CUL2: variants seen among roughly 807,000 people sequenced by gnomAD.
CUL2 encodes cullin 2.
CUL2 carries 22 observed loss-of-function variants against 110.2 expected under a neutral mutation model. That is an observed-to-expected ratio of 0.20 (90% CI 0.14 to 0.28). The LOEUF is 0.28. Among genes scored for constraint, CUL2 ranks in the 10% least tolerant of loss-of-function variants. The probability of loss-of-function intolerance (pLI) is 1.00; values close to 1 mark genes in which losing one functional copy is unlikely to be tolerated. For synonymous variants in CUL2, 279 were observed against 293.2 expected (o/e 0.95, Z 0.49); for missense variants, 631 against 905.5 (o/e 0.70, Z 3.89).
chr10:35,012,053 CTTTTTT>C, intron 19 of CUL2, 89 bp from the exon 20 acceptor site: 44 of 475,586 alleles, frequency 9.3e-5, no homozygotes, highest in Middle Eastern at 4.6e-4. Flanking sequence ...AGTGCAAATA[CTTTTTT>C]TTTTTTTTTT....
At chr10:35,078,180 G>C (rs1400496991) in intron 1 of CUL2, among the ~76,000 whole-genome samples, 1 of 152,032 alleles carries the variant, frequency 6.6e-6, no homozygotes, top group Non-Finnish European at 1.5e-5. Flanking sequence ...CAAAACACAT[G>C]GTACTGTCCC....
rs528717292 is a variant in CUL2, at chr10:35,029,240, T to C, written c.1539+248A>G. ...ACCTGGCTAATTTTTGCATTTTTAG[T>C]AGAGACGGGTTTTCACATGTTGGCC... is the stretch of plus-strand genomic sequence containing the variant. On this transcript the variant is annotated intron_variant, in intron 15 of 20. Coordinates refer to ENST00000374749, the MANE Select transcript of CUL2 (RefSeq NM_003591.4). Among the ~76,000 whole-genome samples the C allele has an allele frequency of 5.9e-5, 9 of 152,250 alleles. No individual in the cohort carries two copies. In the East Asian group the frequency reaches 1.5e-3, roughly 26 times the overall value.
intron 16 of CUL2, among the ~76,000 whole-genome samples, chr10:35,027,923 A>G (rs576287796): frequency 1.3e-5 from 2 of 152,336 alleles, no homozygotes; most frequent in South Asian, 4.1e-4. Flanking sequence ...TAAAAACTAT[A>G]AATAGAAAAT....
chr10:35,061,133 C>T (rs2086370012), intron 3 of CUL2, among the ~76,000 whole-genome samples, 165 bp from the exon 4 acceptor site: 1 of 152,016 alleles, frequency 6.6e-6, no homozygotes, highest in Non-Finnish European at 1.5e-5. Flanking sequence ...AATGAAACAA[C>T]TGGGAAAGAT....
At chr10:35,074,786 C>T (rs2086770766) in intron 1 of CUL2, among the ~76,000 whole-genome samples, 1 of 152,176 alleles carries the variant, frequency 6.6e-6, no homozygotes, top group Non-Finnish European at 1.5e-5. Flanking sequence ...TGTGCCCGGC[C>T]TTCATCTGCT....
In CUL2 at chr10:35,070,546, C is replaced by T. The variant is rs538598218; in HGVS notation, c.119+653G>A. On this transcript the variant is annotated intron_variant, in intron 2 of 20. Coordinates refer to ENST00000374749, the MANE Select transcript of CUL2 (RefSeq NM_003591.4). ...CTAGCAGATCACTGTCATGGAGGAA[C>T]ACAGGAAACTAGGCTTCAGGGCATC... Among the ~76,000 whole-genome samples the T allele has an allele frequency of 1.4e-4, 22 of 152,298 alleles. No individual in the cohort carries two copies. In the East Asian group the frequency reaches 3.9e-3, roughly 27 times the overall value.
At chr10:35,065,373 C>G (rs1360461742) in intron 2 of CUL2, among the ~76,000 whole-genome samples, 1 of 152,174 alleles carries the variant, frequency 6.6e-6, no homozygotes, top group Non-Finnish European at 1.5e-5. Flanking sequence ...GTAATCCCAG[C>G]ACTTTAGGAG....
At chr10:35,126,346 G>A (rs751540503) in intron 1 of CUL2, among the ~76,000 whole-genome samples, 1 of 152,234 alleles carries the variant, frequency 6.6e-6, no homozygotes, top group South Asian at 2.1e-4. Context: ...TTCTTTTGGA[G>A]AAGGACTCAA....
intron 1 of CUL2, among the ~76,000 whole-genome samples, chr10:35,072,627 C>G (rs960952559): frequency 6.6e-6 from 1 of 152,190 alleles, no homozygotes; most frequent in Non-Finnish European, 1.5e-5. Flanking sequence ...CTCGGCCTCC[C>G]AAAGTGCAGG....
At chr10:35,101,065 G>A (rs774233333) in intron 1 of CUL2, 1 of 152,210 alleles carries the variant, frequency 6.6e-6, no homozygotes, top group African/African-American at 2.4e-5. Context: ...TCTATCCTAG[G>A]AGTGAGAAAA....
intron 17 of CUL2, among the ~76,000 whole-genome samples, chr10:35,020,870 G>C (rs1179973041): frequency 6.6e-6 from 1 of 151,654 alleles, no homozygotes; most frequent in African/African-American, 2.4e-5. Context: ...ATCACAGATT[G>C]CTTCTTAAAA....
At position 35,106,444 on chromosome 10, in the gene CUL2, C is replaced by G. The variant is rs189945553; in HGVS notation, c.-50-5384G>C. Among the ~76,000 whole-genome samples the G allele has an allele frequency of 4.6e-5, 7 of 152,014 alleles. 1 individual carries two copies. The South Asian group carries it at 8.3e-4, about 18-fold the overall frequency. ...ACGCCATTCTCCTGCCTCAGCGTCC[C>G]GAGTAGCTGTGACTAGAGGCGCCGG... On this transcript the variant is annotated intron_variant, in intron 1 of 5. Transcript: ENST00000685421.
chr10:35,070,706 A>G (rs1382694408), intron 2 of CUL2, among the ~76,000 whole-genome samples: 4 of 152,088 alleles, frequency 2.6e-5, no homozygotes, highest in Non-Finnish European at 4.4e-5. Context: ...CTTCCCCCCA[A>G]AATCACATGG....
intron 3 of CUL2, 44 bp downstream of exon 3, chr10:35,062,916 T>C: frequency 2.7e-6 from 3 of 1,114,484 alleles, no homozygotes; most frequent in Non-Finnish European, 2.7e-6. Flanking sequence ...TAGTAAAGTA[T>C]ACAACTATCA....
rs188143618 is a variant in CUL2 at position 35,073,766 on chromosome 10, G to A, written c.-22-2427C>T. Among the ~76,000 whole-genome samples the A allele has an allele frequency of 6.1e-3, 927 of 151,914 alleles. 11 individuals carry two copies. Among genetic ancestry groups the A allele is most frequent in the African/African-American group, 0.021 (876 of 41,434 alleles). On this transcript the variant is annotated intron_variant, in intron 1 of 20. Transcript: ENST00000374749. ...ATTACAGGCGTCTGCCACCACACCC[G>A]GCTAATTTTTTATTTTTAGTAGAGA...
chr10:35,119,149 C>T (rs904408267), intron 1 of CUL2, among the ~76,000 whole-genome samples: 2 of 152,270 alleles, frequency 1.3e-5, no homozygotes, highest in East Asian at 1.9e-4. Flanking sequence ...ACATAGCAGC[C>T]GAACAAATAA....
upstream of CUL2, among the ~76,000 whole-genome samples, chr10:35,092,400 T>G (rs1350760687): frequency 6.6e-6 from 1 of 152,232 alleles, no homozygotes; most frequent in Non-Finnish European, 1.5e-5. Flanking sequence ...TGCCATACAT[T>G]CCCAGTTTTT....
At chr10:35,012,253 C>A (rs2084921344) in intron 19 of CUL2, among the ~76,000 whole-genome samples, 1 of 151,854 alleles carries the variant, frequency 6.6e-6, no homozygotes, top group Non-Finnish European at 1.5e-5. Context: ...TATCACATAA[C>A]CACTGCTAAA....
intron 1 of CUL2, among the ~76,000 whole-genome samples, chr10:35,112,015 A>C (rs1456866022): frequency 6.6e-6 from 1 of 152,188 alleles, no homozygotes; most frequent in Non-Finnish European, 1.5e-5. Flanking sequence ...GTAGAGAAGA[A>C]CCTGAAGGCC....
Sources: gnomAD v4.1 joint callset for allele counts (sites outside exome capture counted in the v4.1 genomes callset) on GRCh38, gnomAD v4.1.1 for gene constraint, MANE v1.5 for transcripts, NCBI Gene and HGNC (gene_info 2026-07-23, HGNC 2026-07-21) for gene names.